The following TTC6 variants were observed in gnomAD, a reference collection of about 807,000 sequenced individuals.
TTC6 encodes the protein tetratricopeptide repeat domain 6.
Under a neutral mutation model 210.4 loss-of-function variants are expected in TTC6, and 172 were observed. The observed-to-expected ratio is 0.82, with a 90% CI of 0.72 to 0.93. TTC6 has a LOEUF of 0.93. Ranked by LOEUF, TTC6 falls within the 40% of genes least tolerant of loss-of-function variation. The pLI is 0.00. For synonymous variants in TTC6, 804 were observed against 819.6 expected (o/e 0.98, Z 0.32); for missense variants, 2,414 against 2,318.1 (o/e 1.04, Z -0.85).
intron 3 of TTC6, among the ~76,000 whole-genome samples, chr14:37,692,798 G>T (rs1332587936): frequency 6.6e-6 from 1 of 151,842 alleles, no homozygotes; most frequent in Non-Finnish European, 1.5e-5. Flanking sequence ...GGCAGAGGTT[G>T]CAGTGAGCTG....
intron 1 of TTC6, among the ~76,000 whole-genome samples, chr14:37,637,638 G>A (rs2095683556): frequency 1.3e-5 from 2 of 150,610 alleles, no homozygotes; most frequent in Non-Finnish European, 3.0e-5. Context: ...GGGTCCTGAG[G>A]AAAAAAAAGA....
At chr14:37,726,615 A>G (rs1396732340) in intron 7 of TTC6, among the ~76,000 whole-genome samples, 1 of 151,946 alleles carries the variant, frequency 6.6e-6, no homozygotes, top group Non-Finnish European at 1.5e-5. Flanking sequence ...CTTCTTTATA[A>G]GGTTAACTGG....
intron 25 of TTC6, among the ~76,000 whole-genome samples, chr14:37,814,333 T>G (rs1252291575): frequency 6.6e-6 from 1 of 152,188 alleles, no homozygotes; most frequent in Admixed American, 6.5e-5. Flanking sequence ...CCTCCTGATC[T>G]GTGTATGATT....
At chr14:37,842,333 C>A in exon 31 of TTC6, 2 of 1,440,246 alleles carry the variant, frequency 1.4e-6, no homozygotes, top group South Asian at 1.7e-5. Context: ...CACAGCTGTT[C>A]TCTCTGAAAC....
intron 11 of TTC6, 75 bp from the exon 14 acceptor site, chr14:37,749,639 T>C: frequency 8.7e-7 from 1 of 1,153,596 alleles, no homozygotes; most frequent in Non-Finnish European, 1.1e-6. Flanking sequence ...ATCAACCGTG[T>C]TTTAAAAATT....
chr14:37,740,649 A>G (rs972893141), intron 10 of TTC6, among the ~76,000 whole-genome samples: 4 of 152,210 alleles, frequency 2.6e-5, no homozygotes, highest in African/African-American at 9.6e-5. Flanking sequence ...AATGCCATTC[A>G]AGTCTCGTGT....
chr14:37,783,064 A>G (rs2096059186), intron 14 of TTC6, among the ~76,000 whole-genome samples: 1 of 152,136 alleles, frequency 6.6e-6, no homozygotes, highest in Non-Finnish European at 1.5e-5. Context: ...ATCGATGTTC[A>G]TCAGGGATAT....
At chr14:37,622,659 A>C in exon 1 of TTC6, 1 of 1,535,160 alleles carries the variant, frequency 6.5e-7, no homozygotes, top group Admixed American at 2.0e-5. Flanking sequence ...AGGGCCCTGC[A>C]TGGCCAAAGA....
At chr14:37,805,416 GAC>G (rs60931072) in intron 21 of TTC6, among the ~76,000 whole-genome samples, 3,456 of 146,430 alleles carry the variant, frequency 0.024, 86 homozygotes, top group East Asian at 0.08. Context: ...TCTATCTCAA[GAC>G]ACACACACAC....
chr14:37,616,718 C>T (rs61987975), intron 2 of TTC6, among the ~76,000 whole-genome samples: 27,105 of 128,342 alleles, frequency 0.21, 2,935 homozygotes, highest in Middle Eastern at 0.29. Context: ...CCAGCCTGGG[C>T]GGAAGAGTGA....
intron 14 of TTC6, among the ~76,000 whole-genome samples, chr14:37,770,595 A>G (rs1320686662): frequency 1.3e-5 from 2 of 151,756 alleles, no homozygotes; most frequent in Non-Finnish European, 2.9e-5. Flanking sequence ...GTTGGTTTAA[A>G]GTCTGTTTTA....
At chr14:37,764,719 T>A (rs1191395721) in intron 14 of TTC6, among the ~76,000 whole-genome samples, 1 of 152,146 alleles carries the variant, frequency 6.6e-6, no homozygotes, top group Non-Finnish European at 1.5e-5. Context: ...TTTGTAAAAA[T>A]TATTTTCCCA....
At chr14:37,728,395 C>G (rs771231936) in intron 7 of TTC6, among the ~76,000 whole-genome samples, 55 of 144,824 alleles carry the variant, frequency 3.8e-4, no homozygotes, top group Non-Finnish European at 6.9e-4. Flanking sequence ...ACCTGGCCAA[C>G]ATGATGAAAC....
chr14:37,625,978 G>C (rs1408898446), intron 1 of TTC6, among the ~76,000 whole-genome samples: 1 of 152,114 alleles, frequency 6.6e-6, no homozygotes, highest in Non-Finnish European at 1.5e-5. Context: ...ATTGAAGGTG[G>C]CTGTCCTGTG....
intron 1 of TTC6, among the ~76,000 whole-genome samples, chr14:37,633,656 C>G (rs1182965498): frequency 4.6e-5 from 7 of 152,222 alleles, no homozygotes; most frequent in Non-Finnish European, 7.3e-5. Context: ...ACAAGTTCCC[C>G]CTACCCCTTC....
chr14:37,660,808 G>A (rs118061734), intron 1 of TTC6, among the ~76,000 whole-genome samples: 3,664 of 152,322 alleles, frequency 0.024, 66 homozygotes, highest in Middle Eastern at 0.037. Flanking sequence ...CACCAATGGT[G>A]TAAAACGTTC....
intron 6 of TTC6, among the ~76,000 whole-genome samples, chr14:37,719,063 G>T (rs553520722): frequency 6.6e-6 from 1 of 152,246 alleles, no homozygotes; most frequent in East Asian, 1.9e-4. Context: ...GTCTACAGAT[G>T]AACATGTACT....
chr14:37,738,572 C>A (rs1213152458), intron 9 of TTC6, among the ~76,000 whole-genome samples: 1 of 152,008 alleles, frequency 6.6e-6, no homozygotes, highest in East Asian at 1.9e-4. Context: ...ATATGACCAA[C>A]CAAATTATTG....
intron 1 of TTC6, among the ~76,000 whole-genome samples, chr14:37,603,640 G>A (rs973204400): frequency 1.3e-5 from 2 of 152,180 alleles, no homozygotes; most frequent in East Asian, 3.9e-4. Flanking sequence ...AGACCAACCT[G>A]TCCTCCCAAT....
Sources: gnomAD v4.1 joint callset for allele counts (sites outside exome capture counted in the v4.1 genomes callset) on GRCh38, gnomAD v4.1.1 for gene constraint, MANE v1.5 for transcripts, NCBI Gene and HGNC (gene_info 2026-07-23, HGNC 2026-07-21) for gene names.